Variants in VRK1 observed in about 807,000 individuals in gnomAD.
The protein encoded by VRK1 is serine/threonine-protein kinase VRK1.
Under a neutral mutation model 57.1 loss-of-function variants are expected in VRK1, and 33 were observed. That is an observed-to-expected ratio of 0.58 (90% CI 0.44 to 0.77). The LOEUF is 0.77. Among genes scored for constraint, VRK1 ranks in the 30% least tolerant of loss-of-function variants. The pLI is 0.00. For synonymous variants in VRK1, 137 were observed against 147.8 expected (o/e 0.93, Z 0.53); for missense variants, 413 against 477.3 (o/e 0.87, Z 1.25).
rs1207198026 is a variant in VRK1, at chr14:96,807,989, C to CTCTCCCTG, written c.-6+10549_-6+10550insGTCTCCCT. 2.6e-4 allele frequency among the ~76,000 whole-genome samples: 15 copies of CTCTCCCTG among 57,114 alleles called. No individual in the cohort carries two copies. In the East Asian group the frequency reaches 3.0e-3, roughly 11 times the overall value. 37.5% of individuals were successfully genotyped at this position (57,114 alleles called of 152,430 possible). A position where few individuals can be genotyped will look rare whatever the true frequency, so the allele number is the denominator to read the frequency against. ...TCCCTCTCTCTCTGTCTCTCTCCCTCTCTCCCTCTCTCCCTCTCTCTCTCC... is the reference window on the plus strand; with the variant it reads ...TCCCTCTCTCTCTGTCTCTCTCCCTCTCTCCCTGTCTCCCTCTCTCCCTCTCTCTCTCC... On this transcript the variant is annotated intron_variant, in intron 1 of 12. Transcript: ENST00000216639.
intron 1 of VRK1, among the ~76,000 whole-genome samples, chr14:96,821,701 C>T (rs1391817578): frequency 6.6e-6 from 1 of 152,198 alleles, no homozygotes; most frequent in Admixed American, 6.5e-5. Context: ...CACTCCTCTG[C>T]TCAAGACCTT....
intron 5 of VRK1, among the ~76,000 whole-genome samples, chr14:96,852,557 G>C (rs1887991945): frequency 6.6e-6 from 1 of 152,066 alleles, no homozygotes. Flanking sequence ...AAACTTGTTG[G>C]GTTCTCTCTG....
chr14:96,856,175 T>A lies in VRK1; in HGVS notation c.755T>A (p.Ile252Asn). 6.2e-7 allele frequency: 1 copy of A among 1,613,784 alleles called. No homozygotes were observed. Among genetic ancestry groups the A allele is most frequent in the Non-Finnish European group, 8.5e-7 (1 of 1,179,796 alleles). ...GDLEILGYCM[I>N]QWLTGHLPWE... ...TTGGAAATACTTGGTTATTGCATGA[T>A]CCAATGGCTTACTGGCCATCTTCCT... The change falls in exon 9 of 13, where the codon ATC (isoleucine) becomes AAC (asparagine). Residue 252 changes from isoleucine (I) to asparagine (N), a missense_variant. By Grantham distance (149) the Ile-to-Asn change is moderately radical (BLOSUM62 -3). Around this residue, in one of 3 missense-constraint regions of VRK1, gnomAD observed 151 missense variants for 225.5 expected, o/e 0.67. Transcript: ENST00000216639.
At chr14:96,877,235 G>A (rs779137845) in intron 12 of VRK1, among the ~76,000 whole-genome samples, 18 of 152,078 alleles carry the variant, frequency 1.2e-4, no homozygotes, top group Non-Finnish European at 2.4e-4. Flanking sequence ...GTGCATGTTT[G>A]TGGAAAGCAC....
intron 3 of VRK1, among the ~76,000 whole-genome samples, chr14:96,839,681 T>G (rs900514484): frequency 6.6e-6 from 1 of 152,208 alleles, no homozygotes; most frequent in African/African-American, 2.4e-5. Flanking sequence ...TTTTGCCCCT[T>G]TCCTCTTATT....
chr14:96,833,364 A>G (rs1338082861), intron 1 of VRK1, 103 bp from the exon 2 acceptor site: 6 of 1,351,022 alleles, frequency 4.4e-6, no homozygotes, highest in Non-Finnish European at 5.1e-6. Context: ...TGGAGTAAGT[A>G]GGAATTTGAA....
intron 1 of VRK1, among the ~76,000 whole-genome samples, chr14:96,807,612 A>G (rs906693300): frequency 6.6e-6 from 1 of 152,212 alleles, no homozygotes; most frequent in African/African-American, 2.4e-5. Context: ...CTTCTTCTAC[A>G]TAATTTTATT....
chr14:96,800,610 T>A (rs927008914), intron 1 of VRK1, among the ~76,000 whole-genome samples: 3 of 152,096 alleles, frequency 2.0e-5, no homozygotes, highest in Admixed American at 6.5e-5. Context: ...TGGAAACATA[T>A]ATGTTTGTGA....
At chr14:96,855,177 T>G (rs1287596719) in intron 7 of VRK1, 47 bp from the exon 8 acceptor site, 1 of 1,613,508 alleles carries the variant, frequency 6.2e-7, no homozygotes, top group Non-Finnish European at 8.5e-7. Context: ...GGGTTATATG[T>G]GCAGTGATTT....
chr14:96,825,363 T>G (rs1326823289), intron 1 of VRK1, among the ~76,000 whole-genome samples: 1 of 152,214 alleles, frequency 6.6e-6, no homozygotes, highest in Non-Finnish European at 1.5e-5. Flanking sequence ...AGAGGGTGGT[T>G]GCTGGACTTT....
chr14:96,856,605 A>G lies in VRK1; in HGVS notation c.889+19A>G. On this transcript the variant is annotated intron_variant, in intron 10 of 12. Coordinates refer to ENST00000216639, the MANE Select transcript of VRK1 (RefSeq NM_003384.3). ...AAACCAGGTAGGAAATGACTTCTTC[A>G]GTGTTAATAGGGATTTTGTTTTCTG... 2 of 1,604,932 alleles carry G rather than the reference A, an allele frequency of 1.2e-6. No individual in the cohort carries two copies. The highest frequency in any genetic ancestry group is 2.2e-5 in the South Asian group (2 of 90,786).
chr14:96,810,366 T>C (rs1854284570), intron 1 of VRK1, among the ~76,000 whole-genome samples: 1 of 152,250 alleles, frequency 6.6e-6, no homozygotes. Flanking sequence ...TAGTGTTTTT[T>C]TGTGTTTAAG....
intron 1 of VRK1, among the ~76,000 whole-genome samples, chr14:96,831,671 T>C (rs1887009094): frequency 6.6e-6 from 1 of 152,182 alleles, no homozygotes; most frequent in Non-Finnish European, 1.5e-5. Context: ...GAAAGGAATT[T>C]CAGAAAAACA....
At chr14:96,800,554 A>T (rs1885618316) in intron 1 of VRK1, among the ~76,000 whole-genome samples, 1 of 152,188 alleles carries the variant, frequency 6.6e-6, no homozygotes, top group African/African-American at 2.4e-5. Flanking sequence ...AACATTCTTC[A>T]GGAAATTTAT....
At chr14:96,805,732 A>G (rs1383924349) in intron 1 of VRK1, among the ~76,000 whole-genome samples, 2 of 152,374 alleles carry the variant, frequency 1.3e-5, no homozygotes, top group African/African-American at 2.4e-5. Context: ...AAAATCAGTG[A>G]TGACTTGTTG....
chr14:96,872,724 A>G lies in VRK1; in HGVS notation c.1069-3306A>G, dbSNP rs116967671. ...CCTAGCTTCAGTTTTTTCTGTGTAT[A>G]TAGTAGATTTTAACTAAATCTATTA... On this transcript the variant is annotated intron_variant, in intron 11 of 12. Transcript: ENST00000216639. Among the ~76,000 whole-genome samples the G allele has an allele frequency of 2.2e-3, 334 of 152,294 alleles. 11 individuals are homozygous for G. The East Asian group carries it at 0.052, about 23-fold the overall frequency.
chr14:96,814,070 A>G (rs1886304190), intron 1 of VRK1, among the ~76,000 whole-genome samples: 1 of 152,190 alleles, frequency 6.6e-6, no homozygotes, highest in African/African-American at 2.4e-5. Flanking sequence ...TCATTTATAC[A>G]TAAGAGCTAT....
At chr14:96,824,165 G>T (rs1336697019) in intron 1 of VRK1, among the ~76,000 whole-genome samples, 1 of 151,986 alleles carries the variant, frequency 6.6e-6, no homozygotes, top group Non-Finnish European at 1.5e-5. Flanking sequence ...TTTGTATTTT[G>T]GTGTAAGCTG....
intron 5 of VRK1, among the ~76,000 whole-genome samples, chr14:96,850,606 C>T (rs1887909816): frequency 6.6e-6 from 1 of 152,128 alleles, no homozygotes; most frequent in African/African-American, 2.4e-5. Flanking sequence ...AAAACAAAGA[C>T]CTATGTAACA....
Sources: allele counts gnomAD v4.1 joint callset (sites outside exome capture counted in the v4.1 genomes callset), GRCh38; gene constraint gnomAD v4.1.1; regional missense constraint gnomAD v4.1.1; transcripts MANE v1.5; gene names NCBI Gene and HGNC (gene_info 2026-07-23, HGNC 2026-07-21).